Variants in BICRA observed in about 807,000 individuals in gnomAD.
BICRA encodes BRD4 interacting chromatin remodeling complex associated protein.
BICRA carries 31 observed loss-of-function variants against 96.9 expected under a neutral mutation model. The observed-to-expected ratio is 0.32, with a 90% CI of 0.24 to 0.43. The LOEUF is 0.43. Among genes scored for constraint, BICRA ranks in the 20% least tolerant of loss-of-function variants. BICRA has a pLI of 1.00. For synonymous variants in BICRA, 1,350 were observed against 1,071.8 expected (o/e 1.26, Z -5.07); for missense variants, 2,283 against 2,190.3 (o/e 1.04, Z -0.84).
At chr19:47,612,181 G>A (rs964847186) in intron 1 of BICRA, among the ~76,000 whole-genome samples, 4 of 152,118 alleles carry the variant, frequency 2.6e-5, no homozygotes, top group African/African-American at 9.7e-5. Flanking sequence ...TGGGGAGACC[G>A]AGGCTGGAGG....
In BICRA at chr19:47,619,591, G is replaced by A. The variant is rs79083518; in HGVS notation, c.-108+10423G>A. On this transcript the variant is annotated intron_variant, in intron 1 of 14. Transcript: ENST00000594866. ...ATCCTTTTTCATTGAAGTGTAATTC[G>A]TATACAGTAAAATCCGCAGAGGGGC... Among the ~76,000 whole-genome samples the A allele has an allele frequency of 7.2e-3, 1,076 of 150,076 alleles. 21 individuals carry two copies. Among genetic ancestry groups the A allele is most frequent in the African/African-American group, 0.025 (1,005 of 40,992 alleles).
chr19:47,690,184 T>C lies in BICRA; in HGVS notation c.2284-3931T>C, dbSNP rs151059849. Among the ~76,000 whole-genome samples the C allele has an allele frequency of 3.6e-3, 541 of 152,154 alleles. 7 individuals are homozygous for C. Among genetic ancestry groups the C allele is most frequent in the East Asian group, 0.035 (181 of 5,170 alleles). On this transcript the variant is annotated intron_variant, in intron 7 of 14. Coordinates refer to ENST00000594866, the MANE Select transcript of BICRA (RefSeq NM_001394372.1). ...GCCCAGCTAATTTTTGTATTTTTAA[T>C]AGAGACGGGGTTTCACCATGTTGGC...
In BICRA at chr19:47,681,420, C is replaced by T. The variant is rs868817702; in HGVS notation, c.2106+144C>T. 328 of 760,596 alleles carry T rather than the reference C, an allele frequency of 4.3e-4. 1 individual carries two copies. Among genetic ancestry groups the T allele is most frequent in the Middle Eastern group, 1.7e-3 (5 of 2,992 alleles). 47.1% of individuals were successfully genotyped at this position (760,596 alleles called of 1,614,324 possible). On this transcript the variant is annotated intron_variant, in intron 6 of 14. Coordinates refer to ENST00000594866, the MANE Select transcript of BICRA (RefSeq NM_001394372.1). Reference sequence around the variant, plus strand: ...AGGTCTCAGTCATGGCACAGGTGGCCCCTAAGAGGAGGCCCGAAGGGTGAG... The same window carrying T: ...AGGTCTCAGTCATGGCACAGGTGGCTCCTAAGAGGAGGCCCGAAGGGTGAG...
chr19:47,688,097 G>A (rs1238874649), intron 7 of BICRA, among the ~76,000 whole-genome samples: 1 of 151,940 alleles, frequency 6.6e-6, no homozygotes. Flanking sequence ...GTGAAGTTGA[G>A]CATCTTGCCG....
rs2123579499 is a variant in BICRA, at chr19:47,675,605, C to T, written c.85-246C>T. On this transcript the variant is annotated intron_variant, in intron 4 of 14. Transcript: ENST00000594866. The surrounding 1 kb of genome is among the most constrained non-coding windows in gnomAD (Gnocchi z 4.7). ...GCAGGATTCCGGAATTCGAGGCAGT[C>T]ACAGCAGGATCGCTTCGCAGGCCAG... 6.6e-6 allele frequency among the ~76,000 whole-genome samples: 1 copy of T among 152,324 alleles called. No homozygotes were observed. Among genetic ancestry groups the T allele is most frequent in the South Asian group, 2.1e-4 (1 of 4,830 alleles).
chr19:47,659,897 A>G (rs1320696137), intron 1 of BICRA, among the ~76,000 whole-genome samples: 1 of 152,078 alleles, frequency 6.6e-6, no homozygotes, highest in Non-Finnish European at 1.5e-5. Flanking sequence ...CCACAGGTGC[A>G]CACTAGCATA....
At chr19:47,651,964 C>T (rs574808393) in intron 1 of BICRA, among the ~76,000 whole-genome samples, 30 of 152,348 alleles carry the variant, frequency 2.0e-4, no homozygotes, top group African/African-American at 6.7e-4. Flanking sequence ...ACGTTTGAAC[C>T]GCACCAGGTC....
chr19:47,661,442 G>A (rs1972703919), intron 1 of BICRA, among the ~76,000 whole-genome samples: 3 of 151,934 alleles, frequency 2.0e-5, no homozygotes, highest in African/African-American at 4.8e-5. Flanking sequence ...AAGGGGGTTC[G>A]CGGGGAGGAG....
At position 47,698,134 on chromosome 19, in the gene BICRA, T is replaced by G. The variant is rs1036452737; in HGVS notation, c.3249-500T>G. Among the ~76,000 whole-genome samples, 6 of 151,960 alleles carry G rather than the reference T, an allele frequency of 3.9e-5. No homozygotes were observed. Among genetic ancestry groups the G allele is most frequent in the Non-Finnish European group, 7.4e-5 (5 of 67,980 alleles). On this transcript the variant is annotated intron_variant, in intron 11 of 14. Transcript: ENST00000594866. This position sits in a 1 kb window ranked among gnomAD's most constrained non-coding sequence, Gnocchi z 4.8. ...TGCTGGTTTTTAGCCGAGGGTGGAG[T>G]TGGGCCTGCCTGGTGGGGGAGACAG...
intron 7 of BICRA, among the ~76,000 whole-genome samples, chr19:47,684,268 C>T (rs928018553): frequency 1.3e-5 from 2 of 152,226 alleles, no homozygotes; most frequent in African/African-American, 2.4e-5. Context: ...CTGCAATCTC[C>T]ACCTCCTGGG....
chr19:47,611,681 A>G (rs1287391915), intron 1 of BICRA, among the ~76,000 whole-genome samples: 1 of 151,812 alleles, frequency 6.6e-6, no homozygotes, highest in Non-Finnish European at 1.5e-5. Flanking sequence ...GGCATGATCC[A>G]CTCTGTAACC....
chr19:47,691,546 ATTTT>A (rs1488256541), intron 7 of BICRA, among the ~76,000 whole-genome samples: 2 of 151,968 alleles, frequency 1.3e-5, no homozygotes, highest in Non-Finnish European at 2.9e-5. Context: ...GCCCCTTAAT[ATTTT>A]ATTTTATTTA....
chr19:47,647,235 G>A (rs1356438884), intron 1 of BICRA, among the ~76,000 whole-genome samples: 1 of 151,940 alleles, frequency 6.6e-6, no homozygotes, highest in African/African-American at 2.4e-5. Context: ...TGTTCTGAAT[G>A]ATGCCGTATG....
Position 47,619,288 on chromosome 19 carries a change from C to T in BICRA, c.-108+10120C>T, listed in dbSNP as rs1236306166. Among the ~76,000 whole-genome samples the T allele has an allele frequency of 2.4e-4, 35 of 145,992 alleles. 1 individual carries two copies. Among genetic ancestry groups the T allele is most frequent in the Admixed American group, 2.2e-3 (31 of 14,176 alleles). On this transcript the variant is annotated intron_variant, in intron 1 of 14. Transcript: ENST00000594866. ...TGTTTGAGATGGGGTCTCGCTGTTT[C>T]GCTCTGTCCCCTAGGCCGGAGTGCA...
At chr19:47,659,732 A>ACACG (rs1338048600) in intron 1 of BICRA, among the ~76,000 whole-genome samples, 1 of 108,428 alleles carries the variant, frequency 9.2e-6, no homozygotes, top group Non-Finnish European at 2.0e-5. Context: ...ACACACACAC[A>ACACG]CGTTCTCTTC....
intron 14 of BICRA, chr19:47,700,951 T>G: frequency 3.8e-6 from 1 of 260,134 alleles, no homozygotes. Context: ...TTTTTGTTTG[T>G]TTGTTTGTAG....
chr19:47,650,619 A>G (rs967719665), intron 1 of BICRA, among the ~76,000 whole-genome samples: 2 of 152,150 alleles, frequency 1.3e-5, no homozygotes, highest in African/African-American at 4.8e-5. Context: ...CCAATATAAA[A>G]GGTGTTGCTC....
chr19:47,653,212 G>A (rs1347280410), intron 1 of BICRA, among the ~76,000 whole-genome samples: 4 of 151,628 alleles, frequency 2.6e-5, no homozygotes, highest in African/African-American at 9.7e-5. Context: ...TAGTAGAGAT[G>A]GGGTTTCATC....
chr19:47,665,612 G>A (rs995426171), intron 1 of BICRA, among the ~76,000 whole-genome samples: 1 of 152,118 alleles, frequency 6.6e-6, no homozygotes, highest in African/African-American at 2.4e-5. Context: ...TGGGATTACC[G>A]GTGTGCAACA....
Sources: allele counts gnomAD v4.1 joint callset (sites outside exome capture counted in the v4.1 genomes callset), GRCh38; gene constraint gnomAD v4.1.1; non-coding constraint Gnocchi (gnomAD v3.1); transcripts MANE v1.5; gene names NCBI Gene and HGNC (gene_info 2026-07-23, HGNC 2026-07-21).